Variants in RNLS observed in about 807,000 individuals in gnomAD.
The protein encoded by RNLS is renalase, FAD dependent amine oxidase.
In RNLS, 39 loss-of-function variants were observed where a neutral mutation model predicts 39.8. The observed-to-expected ratio is 0.98, with a 90% CI of 0.76 to 1.28. The LOEUF is 1.28. Among genes scored for constraint, RNLS ranks in the 50% most tolerant of loss-of-function variants. The pLI, the probability that RNLS is intolerant of heterozygous loss-of-function variation, is 0.00. For missense variants in RNLS, 410 were observed against 413.3 expected, an observed-to-expected ratio of 0.99 and a Z score of 0.07; for synonymous variants, 147 against 150.7, an observed-to-expected ratio of 0.98 and a Z score of 0.18.
intron 5 of RNLS, among the ~76,000 whole-genome samples, chr10:88,353,813 T>A (rs1374859403): frequency 6.6e-6 from 1 of 152,226 alleles, no homozygotes; most frequent in Non-Finnish European, 1.5e-5. Context: ...CAATGAGGTG[T>A]TAAATCTCCC....
chr10:88,179,136 G>A, the RNLS span, among the ~76,000 whole-genome samples: 1 of 152,214 alleles, frequency 6.6e-6, no homozygotes, highest in Non-Finnish European at 1.5e-5. Flanking sequence ...TATGTGGAAT[G>A]TTAAAAGTGC....
chr10:88,366,691 A>AAAG (rs71022526), intron 4 of RNLS, among the ~76,000 whole-genome samples: 1 of 148,736 alleles, frequency 6.7e-6, no homozygotes, highest in African/African-American at 2.5e-5. Context: ...AAAAAAAAAA[A>AAAG]GGAAATCCAC....
the RNLS span, among the ~76,000 whole-genome samples, chr10:88,175,138 T>A: frequency 6.6e-6 from 1 of 152,038 alleles, no homozygotes; most frequent in Non-Finnish European, 1.5e-5. Context: ...TTTATTTGGA[T>A]CTTCTCTCAT....
rs568743304 is a variant in RNLS, at chr10:88,466,878, T to C, written c.527-104153A>G. Among the ~76,000 whole-genome samples the C allele has an allele frequency of 2.6e-5, 4 of 152,288 alleles. No individual in the cohort carries two copies. The South Asian group carries it at 8.3e-4, about 32-fold the overall frequency. ...ATGCTTCATTCTTTTTAAAACCACATTTCACTTGCTCAATGAAAAATAAAA... is the reference window on the plus strand; with the variant it reads ...ATGCTTCATTCTTTTTAAAACCACACTTCACTTGCTCAATGAAAAATAAAA... On this transcript the variant is annotated intron_variant, in intron 4 of 6. Transcript: ENST00000331772.
chr10:88,236,681 AATC>A, the RNLS span, among the ~76,000 whole-genome samples: 7 of 152,198 alleles, frequency 4.6e-5, no homozygotes, highest in South Asian at 1.2e-3. Flanking sequence ...GAGCTGTTAT[AATC>A]ATTCATTTAT....
chr10:88,268,676 C>A, the RNLS span, among the ~76,000 whole-genome samples: 1 of 152,220 alleles, frequency 6.6e-6, no homozygotes, highest in Non-Finnish European at 1.5e-5. Flanking sequence ...CTCCCATCCT[C>A]TGTGTTAACT....
intron 4 of RNLS, among the ~76,000 whole-genome samples, chr10:88,539,436 A>T (rs1847934430): frequency 1.3e-5 from 2 of 152,190 alleles, no homozygotes; most frequent in Admixed American, 1.3e-4. Context: ...AATTCGTCAC[A>T]CTTTAAAGAA....
chr10:88,318,519 C>T (rs972297768), intron 5 of RNLS, among the ~76,000 whole-genome samples: 1 of 152,228 alleles, frequency 6.6e-6, no homozygotes, highest in Non-Finnish European at 1.5e-5. Flanking sequence ...AGTGAATCCA[C>T]ACTCGCTGAA....
chr10:88,572,768 TA>T, intron 4 of RNLS, 134 bp downstream of exon 4: 1 of 855,582 alleles, frequency 1.2e-6, no homozygotes, highest in Non-Finnish European at 1.8e-6. Context: ...ACGACGGCCG[TA>T]AGTATCAGTT....
chr10:88,569,484 C>T (rs1849705359), intron 4 of RNLS, among the ~76,000 whole-genome samples: 1 of 152,074 alleles, frequency 6.6e-6, no homozygotes, highest in South Asian at 2.1e-4. Context: ...AATTCACATT[C>T]CTGGCATGAT....
intron 4 of RNLS, among the ~76,000 whole-genome samples, chr10:88,374,217 G>A (rs1184458596): frequency 6.6e-6 from 1 of 152,024 alleles, no homozygotes; most frequent in African/African-American, 2.4e-5. Context: ...AAATGAAAAA[G>A]TTGTCCTGGC....
At chr10:88,235,872 C>T in the RNLS span, among the ~76,000 whole-genome samples, 1 of 151,216 alleles carries the variant, frequency 6.6e-6, no homozygotes, top group South Asian at 2.1e-4. Flanking sequence ...TGTTCTGTTG[C>T]CTAGGCTGGA....
chr10:88,230,956 G>A, the RNLS span, among the ~76,000 whole-genome samples: 114 of 152,292 alleles, frequency 7.5e-4, no homozygotes, highest in Middle Eastern at 3.4e-3. Context: ...TTACTTCCAG[G>A]CAGTTTGATT....
chr10:88,450,231 A>G (rs940960327), intron 4 of RNLS, among the ~76,000 whole-genome samples: 1 of 152,196 alleles, frequency 6.6e-6, no homozygotes, highest in African/African-American at 2.4e-5. Flanking sequence ...AGACATGAGC[A>G]TGGGCTGCCT....
intron 5 of RNLS, among the ~76,000 whole-genome samples, chr10:88,316,934 G>C (rs1472169639): frequency 6.6e-6 from 1 of 152,056 alleles, no homozygotes. Flanking sequence ...AAAATACAAA[G>C]AGTCAAGCAG....
chr10:88,481,028 T>C (rs1819385917), intron 4 of RNLS, among the ~76,000 whole-genome samples: 1 of 152,136 alleles, frequency 6.6e-6, no homozygotes, highest in African/African-American at 2.4e-5. Context: ...TTTATATTTA[T>C]AATTTTTGTA....
chr10:88,495,433 T>A (rs1427334099), intron 4 of RNLS, among the ~76,000 whole-genome samples: 2 of 152,126 alleles, frequency 1.3e-5, no homozygotes, highest in African/African-American at 4.8e-5. Context: ...AATGGTTATA[T>A]TATGTTAGAC....
chr10:88,382,158 G>C (rs1391867050), intron 4 of RNLS, among the ~76,000 whole-genome samples: 1 of 152,026 alleles, frequency 6.6e-6, no homozygotes, highest in African/African-American at 2.4e-5. Context: ...ATGCCACGTT[G>C]TACTGTGACA....
the RNLS span, among the ~76,000 whole-genome samples, chr10:88,263,987 C>T: frequency 1.3e-5 from 2 of 152,240 alleles, no homozygotes; most frequent in South Asian, 2.1e-4. Context: ...CCCTTTCTCC[C>T]AAGTCCCCAA....
Sources: gnomAD v4.1 joint callset for allele counts (sites outside exome capture counted in the v4.1 genomes callset) on GRCh38, gnomAD v4.1.1 for gene constraint, MANE v1.5 for transcripts, NCBI Gene and HGNC (gene_info 2026-07-23, HGNC 2026-07-21) for gene names.